Variants in LRRC4C observed in about 807,000 individuals in gnomAD.
The protein encoded by LRRC4C is leucine-rich repeat-containing protein 4C.
Under a neutral mutation model 33.6 loss-of-function variants are expected in LRRC4C, and 5 were observed. The ratio of observed to expected loss-of-function variants is 0.15; its 90% confidence interval spans 0.08 to 0.31. The LOEUF is 0.31. Among genes scored for constraint, LRRC4C ranks in the 10% least tolerant of loss-of-function variants. The pLI is 1.00. For missense variants in LRRC4C, 560 were observed against 796.7 expected (o/e 0.70, Z 3.58); for synonymous variants, 329 against 302.0 (o/e 1.09, Z -0.93).
intron 1 of LRRC4C, among the ~76,000 whole-genome samples, chr11:41,086,729 C>A (rs1940016355): frequency 6.6e-6 from 1 of 152,060 alleles, no homozygotes; most frequent in African/African-American, 2.4e-5. Context: ...CTAAAAACTG[C>A]TATGGTGACT....
At chr11:40,523,471 A>C (rs1955908002) in intron 3 of LRRC4C, among the ~76,000 whole-genome samples, 1 of 150,938 alleles carries the variant, frequency 6.6e-6, no homozygotes, top group Non-Finnish European at 1.5e-5. Context: ...ACCATCCTGC[A>C]GTCTTACTGA....
chr11:41,131,475 G>T (rs528264733), intron 1 of LRRC4C, among the ~76,000 whole-genome samples: 4 of 152,020 alleles, frequency 2.6e-5, no homozygotes, highest in Admixed American at 2.6e-4. Flanking sequence ...ATGATATTTT[G>T]ACTTTGAATT....
intron 3 of LRRC4C, among the ~76,000 whole-genome samples, chr11:40,644,061 A>G (rs1284992010): frequency 6.6e-6 from 1 of 152,224 alleles, no homozygotes; most frequent in African/African-American, 2.4e-5. Context: ...CATAGACAAT[A>G]AAATAAAATT....
At chr11:41,437,190 C>G (rs1262391882) in intron 1 of LRRC4C, among the ~76,000 whole-genome samples, 1 of 152,198 alleles carries the variant, frequency 6.6e-6, no homozygotes, top group Non-Finnish European at 1.5e-5. Context: ...CACCCTACTT[C>G]AGCTTCCTGA....
chr11:40,665,908 ATGTTATTTATGTATATACAAATACATAAG>A (rs1477694045), intron 2 of LRRC4C, among the ~76,000 whole-genome samples: 2 of 152,218 alleles, frequency 1.3e-5, no homozygotes, highest in East Asian at 3.9e-4. Context: ...ATGGCAGAAA[ATGTTATTTATGTATATACAAATACATAAG>A]TGTTATTTAT....
rs12277433 is a variant in LRRC4C at position 40,259,237 on chromosome 11, C to T, written c.-175-17639G>A. Reference sequence around the variant, plus strand: ...TTGAGAAGTGTCTGTTCATGTCCTTCGCCCACTTTTTGATGGGGTTGTTTG... The same window carrying T: ...TTGAGAAGTGTCTGTTCATGTCCTTTGCCCACTTTTTGATGGGGTTGTTTG... On this transcript the variant is annotated intron_variant, in intron 4 of 6. Coordinates refer to ENST00000528697, the MANE Select transcript of LRRC4C (RefSeq NM_001258419.2). Among the ~76,000 whole-genome samples the T allele has an allele frequency of 1.6e-3, 247 of 151,770 alleles. 1 individual carries two copies. Among genetic ancestry groups the T allele is most frequent in the African/African-American group, 5.4e-3 (224 of 41,398 alleles).
rs541925646 is a variant in LRRC4C at position 40,787,406 on chromosome 11, A to G, written c.-406-139128T>C. Among the ~76,000 whole-genome samples the G allele has an allele frequency of 2.6e-4, 40 of 152,200 alleles. No homozygotes were observed. In the South Asian group the frequency reaches 8.1e-3, roughly 31 times the overall value. ...TTTCCTTTGTGCTTGCTGACAAGTGAGAGGCCTCTATGCGACTATGCGAAA... is the reference window on the plus strand; with the variant it reads ...TTTCCTTTGTGCTTGCTGACAAGTGGGAGGCCTCTATGCGACTATGCGAAA... On this transcript the variant is annotated intron_variant, in intron 2 of 6. Coordinates refer to ENST00000528697, the MANE Select transcript of LRRC4C (RefSeq NM_001258419.2).
chr11:41,161,432 G>T (rs1944466446), intron 1 of LRRC4C, among the ~76,000 whole-genome samples: 1 of 152,010 alleles, frequency 6.6e-6, no homozygotes, highest in Non-Finnish European at 1.5e-5. Flanking sequence ...ATTCTCTTAA[G>T]TGCATACTAT....
chr11:40,167,938 G>A (rs1383324875), intron 5 of LRRC4C, among the ~76,000 whole-genome samples: 3 of 152,130 alleles, frequency 2.0e-5, no homozygotes, highest in East Asian at 1.9e-4. Context: ...CAGCTACCGG[G>A]GAGGCTGAGG....
chr11:40,489,174 A>G (rs974556138), intron 3 of LRRC4C, among the ~76,000 whole-genome samples: 13 of 152,178 alleles, frequency 8.5e-5, no homozygotes, highest in African/African-American at 3.1e-4. Flanking sequence ...AGGTTCTTGT[A>G]ATTTTCCACC....
At chr11:40,946,272 C>A (rs568023900) in intron 1 of LRRC4C, among the ~76,000 whole-genome samples, 1 of 152,124 alleles carries the variant, frequency 6.6e-6, no homozygotes, top group Non-Finnish European at 1.5e-5. Context: ...TAATTTCATT[C>A]TTTTGTATGG....
chr11:40,454,299 T>C (rs1451974449), intron 3 of LRRC4C, among the ~76,000 whole-genome samples: 1 of 152,078 alleles, frequency 6.6e-6, no homozygotes, highest in Non-Finnish European at 1.5e-5. Context: ...ATCCCTATAA[T>C]CTTCTCACTC....
chr11:40,259,366 G>C (rs1324968538), intron 4 of LRRC4C, among the ~76,000 whole-genome samples: 1 of 151,852 alleles, frequency 6.6e-6, no homozygotes, highest in African/African-American at 2.4e-5. Context: ...TAGGTTGCCT[G>C]TTCACTCTGA....
At chr11:40,985,302 C>T (rs61887577) in intron 1 of LRRC4C, among the ~76,000 whole-genome samples, 4,051 of 152,022 alleles carry the variant, frequency 0.027, 47 homozygotes, top group Middle Eastern at 0.044. Context: ...GTTTTTCTTC[C>T]GCTGAGTGAC....
intron 3 of LRRC4C, among the ~76,000 whole-genome samples, chr11:40,407,869 G>A (rs1457042459): frequency 1.3e-5 from 2 of 151,964 alleles, no homozygotes; most frequent in African/African-American, 2.4e-5. Context: ...TGAAGAGCAC[G>A]AAAAGAATTG....
At chr11:40,476,834 G>T (rs1388290260) in intron 3 of LRRC4C, among the ~76,000 whole-genome samples, 1 of 151,964 alleles carries the variant, frequency 6.6e-6, no homozygotes, top group Non-Finnish European at 1.5e-5. Flanking sequence ...TTTTTAAAAA[G>T]GAGGCCATAA....
intron 5 of LRRC4C, among the ~76,000 whole-genome samples, chr11:40,169,890 A>G (rs1026845566): frequency 3.9e-5 from 6 of 152,218 alleles, no homozygotes; most frequent in Non-Finnish European, 8.8e-5. Flanking sequence ...TTGCTGTATT[A>G]CTAGAATGCT....
chr11:41,437,412 C>T (rs34719939), intron 1 of LRRC4C, among the ~76,000 whole-genome samples: 13 of 149,238 alleles, frequency 8.7e-5, no homozygotes, highest in East Asian at 5.9e-4. Context: ...CACACACAAA[C>T]GCGCGCGCGC....
intron 2 of LRRC4C, among the ~76,000 whole-genome samples, chr11:40,928,686 CT>C (rs1453874181): frequency 2.0e-5 from 3 of 151,934 alleles, no homozygotes; most frequent in Non-Finnish European, 2.9e-5. Flanking sequence ...TATTAAATTA[CT>C]AAAATCATTT....
Sources: allele counts gnomAD v4.1 joint callset (sites outside exome capture counted in the v4.1 genomes callset), GRCh38; gene constraint gnomAD v4.1.1; transcripts MANE v1.5; gene names NCBI Gene and HGNC (gene_info 2026-07-23, HGNC 2026-07-21).